ADAMTS6: variants seen among roughly 807,000 people sequenced by gnomAD.
ADAMTS6 encodes the protein A disintegrin and metalloproteinase with thrombospondin motifs 6.
Under a neutral mutation model 144.3 loss-of-function variants are expected in ADAMTS6, and 23 were observed. The ratio of observed to expected loss-of-function variants is 0.16; its 90% CI spans 0.11 to 0.23. ADAMTS6 has a LOEUF of 0.23. Ranked by LOEUF, ADAMTS6 falls within the 10% of genes least tolerant of loss-of-function variation. The probability of loss-of-function intolerance (pLI) is 1.00; values close to 1 mark genes in which losing one functional copy is unlikely to be tolerated. For synonymous variants in ADAMTS6, 444 were observed against 457.5 expected, an observed-to-expected ratio of 0.97 and a Z score of 0.38; for missense variants, 999 against 1,379.6, an observed-to-expected ratio of 0.72 and a Z score of 4.37.
intron 7 of ADAMTS6, among the ~76,000 whole-genome samples, chr5:65,378,955 A>AC (rs1751800035): frequency 6.6e-6 from 1 of 152,186 alleles, no homozygotes; most frequent in Non-Finnish European, 1.5e-5. Context: ...TCTCAAGAGA[A>AC]TAAAAAAAAA....
intron 9 of ADAMTS6, among the ~76,000 whole-genome samples, chr5:65,302,974 T>C (rs1239589401): frequency 6.6e-6 from 1 of 152,120 alleles, no homozygotes; most frequent in African/African-American, 2.4e-5. Context: ...GAAAGGCATA[T>C]CTTTCACCCA....
chr5:65,351,707 A>G (rs1748860628), intron 7 of ADAMTS6, among the ~76,000 whole-genome samples: 1 of 152,196 alleles, frequency 6.6e-6, no homozygotes. Context: ...GCTTGAGGCC[A>G]GGAATTTGAA....
At chr5:65,245,355 A>G (rs1759532719) in intron 14 of ADAMTS6, among the ~76,000 whole-genome samples, 1 of 152,148 alleles carries the variant, frequency 6.6e-6, no homozygotes, top group Non-Finnish European at 1.5e-5. Context: ...CAACTCAGGC[A>G]GAAGAAGAAT....
At chr5:65,476,299 G>A (rs927282322) in intron 1 of ADAMTS6, among the ~76,000 whole-genome samples, 7 of 152,178 alleles carry the variant, frequency 4.6e-5, no homozygotes, top group Non-Finnish European at 1.0e-4. Flanking sequence ...TGGCTCATGA[G>A]ATACCCTAAA....
intron 7 of ADAMTS6, among the ~76,000 whole-genome samples, chr5:65,352,994 C>A (rs1749003086): frequency 6.6e-6 from 1 of 151,988 alleles, no homozygotes; most frequent in Non-Finnish European, 1.5e-5. Flanking sequence ...TACATTCTTT[C>A]CTAAATATGA....
intron 7 of ADAMTS6, among the ~76,000 whole-genome samples, chr5:65,448,565 G>C (rs1284968867): frequency 6.6e-6 from 1 of 151,678 alleles, no homozygotes; most frequent in African/African-American, 2.4e-5. Flanking sequence ...CCATTCTCCT[G>C]CCTCAGCCTC....
At chr5:65,232,696 TA>T (rs879663991) in intron 15 of ADAMTS6, among the ~76,000 whole-genome samples, 6,021 of 130,954 alleles carry the variant, frequency 0.046, 402 homozygotes, top group African/African-American at 0.15. Flanking sequence ...GTTGAAACAG[TA>T]AAAAAAAAAA....
At chr5:65,333,148 T>A (rs946359169) in intron 8 of ADAMTS6, among the ~76,000 whole-genome samples, 2 of 152,146 alleles carry the variant, frequency 1.3e-5, no homozygotes, top group Non-Finnish European at 2.9e-5. Context: ...AAATTGAGAC[T>A]TGTCATAGAG....
chr5:65,229,012 C>T lies in ADAMTS6; in HGVS notation c.1934-2793G>A, dbSNP rs751381094. 3.3e-5 allele frequency among the ~76,000 whole-genome samples: 5 copies of T among 152,232 alleles called. 1 individual carries two copies. The South Asian group carries it at 1.0e-3, about 32-fold the overall frequency. On this transcript the variant is annotated intron_variant, in intron 15 of 24. Coordinates refer to ENST00000381055, the MANE Select transcript of ADAMTS6 (RefSeq NM_197941.4). ...CCTCAAAAACTCTGCATGCCCCATT[C>T]TCCCCCAACTGCTGTAGGCCAGCAG...
intron 7 of ADAMTS6, among the ~76,000 whole-genome samples, chr5:65,339,687 A>G (rs1444716246): frequency 6.6e-6 from 1 of 152,016 alleles, no homozygotes; most frequent in Non-Finnish European, 1.5e-5. Context: ...GAGAAATACT[A>G]GAATAGAAGA....
At chr5:65,427,874 G>C (rs1022189981) in intron 7 of ADAMTS6, among the ~76,000 whole-genome samples, 3 of 151,712 alleles carry the variant, frequency 2.0e-5, no homozygotes, top group Admixed American at 6.6e-5. Context: ...AGCCAAACTT[G>C]TAGAAAAAAA....
At chr5:65,347,102 CAG>C (rs1291529766) in intron 7 of ADAMTS6, among the ~76,000 whole-genome samples, 1 of 151,778 alleles carries the variant, frequency 6.6e-6, no homozygotes, top group African/African-American at 2.4e-5. Context: ...TCAATATTGG[CAG>C]AGAGTGTCCG....
intron 22 of ADAMTS6, among the ~76,000 whole-genome samples, chr5:65,179,952 G>GCACACACA (rs1310550201): frequency 1.2e-5 from 1 of 83,674 alleles, no homozygotes; most frequent in African/African-American, 5.2e-5. Flanking sequence ...ACATGTGCAC[G>GCACACACA]CACGCGCACA....
chr5:65,216,302 A>G (rs1756912520), intron 18 of ADAMTS6, among the ~76,000 whole-genome samples: 1 of 152,216 alleles, frequency 6.6e-6, no homozygotes, highest in Admixed American at 6.5e-5. Flanking sequence ...GATGAAACTC[A>G]AAAACATTAA....
Position 65,466,789 on chromosome 5 carries a change from T to C in ADAMTS6, c.462+3989A>G, listed in dbSNP as rs188377394. On this transcript the variant is annotated intron_variant, in intron 3 of 24. Coordinates refer to ENST00000381055, the MANE Select transcript of ADAMTS6 (RefSeq NM_197941.4). ...CGGGCGCGGTGGCTCACGCCTGTAA[T>C]CCCAGCACTTTGGGAGGCCGAGGTG... Among the ~76,000 whole-genome samples, 1,227 of 152,306 alleles carry C rather than the reference T, an allele frequency of 8.1e-3. 7 individuals are homozygous for C. The highest frequency in any genetic ancestry group is 0.014 in the Non-Finnish European group (943 of 68,024).
At chr5:65,278,475 T>G (rs1053424450) in intron 11 of ADAMTS6, among the ~76,000 whole-genome samples, 5 of 152,206 alleles carry the variant, frequency 3.3e-5, no homozygotes, top group African/African-American at 7.2e-5. Flanking sequence ...TTCCCTCACA[T>G]CCATGACAAC....
chr5:65,259,488 G>A (rs1246678053), intron 14 of ADAMTS6, among the ~76,000 whole-genome samples: 2 of 152,110 alleles, frequency 1.3e-5, no homozygotes, highest in Non-Finnish European at 2.9e-5. Context: ...GTAGTTTCCC[G>A]GAAGCCTATT....
intron 7 of ADAMTS6, among the ~76,000 whole-genome samples, chr5:65,379,010 A>G (rs922274096): frequency 5.3e-5 from 8 of 152,208 alleles, no homozygotes; most frequent in South Asian, 2.1e-4. Flanking sequence ...TCTGTTTTTA[A>G]TAACATTTTT....
At chr5:65,196,393 G>T (rs1755361011) in intron 21 of ADAMTS6, among the ~76,000 whole-genome samples, 1 of 151,520 alleles carries the variant, frequency 6.6e-6, no homozygotes, top group Non-Finnish European at 1.5e-5. Flanking sequence ...TGTGGTGGTG[G>T]GCGCCTGTAG....
Sources: gnomAD v4.1 joint callset for allele counts (sites outside exome capture counted in the v4.1 genomes callset) on GRCh38, gnomAD v4.1.1 for gene constraint, MANE v1.5 for transcripts, NCBI Gene and HGNC (gene_info 2026-07-23, HGNC 2026-07-21) for gene names.